The following REV1 variants were observed in gnomAD, a reference collection of about 807,000 sequenced individuals.
The protein encoded by REV1 is translesion synthesis protein REV1.
REV1 carries 42 observed loss-of-function variants against 137.4 expected under a neutral mutation model. The ratio of observed to expected loss-of-function variants is 0.31; its 90% confidence interval spans 0.24 to 0.40. The LOEUF (loss-of-function observed/expected upper bound fraction) is 0.40. Among genes scored for constraint, REV1 ranks in the 10% least tolerant of loss-of-function variants. The pLI, the probability that REV1 is intolerant of heterozygous loss-of-function variation, is 1.00. For missense variants in REV1, 1,282 were observed against 1,490.1 expected, an observed-to-expected ratio of 0.86 and a Z score of 2.30; for synonymous variants, 524 against 519.2, an observed-to-expected ratio of 1.01 and a Z score of -0.12.
In REV1 at chr2:99,489,923, G is replaced by T. The variant is rs1286098302; in HGVS notation, c.-117C>A. 1 of 149,536 alleles carries T rather than the reference G, an allele frequency of 6.7e-6. No individual in the cohort carries two copies. The highest frequency in any genetic ancestry group is 1.5e-5 in the Non-Finnish European group (1 of 67,148). The allele number at this position is 149,536 out of a possible 1,614,324, so 9.3% of individuals were successfully genotyped here. The stretch of plus-strand genomic sequence containing the variant: ...GCCCTCGCCAGGGACCAGGGAGGAG[G>T]GCCGGGGGAAGGCAGCCCCACCGCT... On this transcript the variant is annotated 5_prime_UTR_variant, in exon 1 of 23. Coordinates refer to ENST00000258428, the MANE Select transcript of REV1 (RefSeq NM_016316.4).
At chr2:99,456,320 C>A (rs1559379940) in intron 3 of REV1, among the ~76,000 whole-genome samples, 1 of 152,200 alleles carries the variant, frequency 6.6e-6, no homozygotes, top group Non-Finnish European at 1.5e-5. Flanking sequence ...AGTCTGTGCC[C>A]CGTGATAGCA....
rs1037008460 is a variant in REV1, at chr2:99,421,661, C to T, written c.1677-8G>A. The T allele has an allele frequency of 1.2e-6, 2 of 1,609,636 alleles. No individual in the cohort carries two copies. Among genetic ancestry groups the T allele is most frequent in the African/African-American group, 2.7e-5 (2 of 74,664 alleles). On this transcript the variant is annotated splice_region_variant and splice_polypyrimidine_tract_variant and intron_variant, in intron 10 of 22. Coordinates refer to ENST00000258428, the MANE Select transcript of REV1 (RefSeq NM_016316.4). ...TCAATGTTATGAGTGTAGCTATCAA[C>T]ACAGAGCAAAGGCAACGAATCACAG...
chr2:99,436,797 A>G (rs1275891026), intron 6 of REV1: 1 of 152,150 alleles, frequency 6.6e-6, no homozygotes, highest in Non-Finnish European at 1.5e-5. Flanking sequence ...AAATCCTGGA[A>G]AAAGAACCCT....
In REV1 at chr2:99,424,437, T is replaced by C. The variant is rs145777795; in HGVS notation, c.1548-157A>G. 177 of 786,236 alleles carry C rather than the reference T, an allele frequency of 2.3e-4. No individual in the cohort carries two copies. In the African/African-American group the frequency reaches 3.0e-3, roughly 13 times the overall value. The allele number at this position is 786,236 out of a possible 1,614,324, so 48.7% of individuals were successfully genotyped here. A position where few individuals can be genotyped will look rare whatever the true frequency, so the allele number is the denominator to read the frequency against. ...AAGATAGGCATTAAAATTTACAGCCTTGTTTTCCCCCAAAAGTCACAACTG... is the reference window on the plus strand; with the variant it reads ...AAGATAGGCATTAAAATTTACAGCCCTGTTTTCCCCCAAAAGTCACAACTG... On this transcript the variant is annotated intron_variant, in intron 9 of 22. Coordinates refer to ENST00000258428, the MANE Select transcript of REV1 (RefSeq NM_016316.4).
intron 1 of REV1, among the ~76,000 whole-genome samples, chr2:99,485,074 T>A (rs1687000950): frequency 6.6e-6 from 1 of 152,068 alleles, no homozygotes; most frequent in African/African-American, 2.4e-5. Context: ...TAAAAAAAAA[T>A]TTACACCTAG....
intron 13 of REV1, among the ~76,000 whole-genome samples, chr2:99,412,119 G>C (rs1480664102): frequency 1.3e-5 from 2 of 151,782 alleles, no homozygotes; most frequent in Non-Finnish European, 2.9e-5. Context: ...TGTAATCCCA[G>C]CTACTTGGGA....
chr2:99,481,855 TA>T, intron 1 of REV1, among the ~76,000 whole-genome samples: 1 of 152,196 alleles, frequency 6.6e-6, no homozygotes, highest in African/African-American at 2.4e-5. Context: ...ACCCCGTCCC[TA>T]AAAAAACAAA....
chr2:99,460,803 T>C, intron 3 of REV1, among the ~76,000 whole-genome samples: 1 of 148,784 alleles, frequency 6.7e-6, no homozygotes, highest in East Asian at 2.0e-4. Context: ...CAGAAAAGGA[T>C]AGAGATAATA....
Position 99,401,076 on chromosome 2 carries a change from A to G in REV1, c.*165T>C, listed in dbSNP as rs1446712642. The G allele has an allele frequency of 2.1e-6, 1 of 485,574 alleles. No individual in the cohort carries two copies. Among genetic ancestry groups the G allele is most frequent in the Non-Finnish European group, 3.7e-6 (1 of 269,886 alleles). The allele number at this position is 485,574 out of a possible 1,614,324, so 30.1% of individuals were successfully genotyped here. A position where few individuals can be genotyped will look rare whatever the true frequency, so the allele number is the denominator to read the frequency against. The stretch of plus-strand genomic sequence containing the variant: ...ATAATTAACACAATTATTTACATGC[A>G]ATACTGACAAATTTGGCACTTTTTG... On this transcript the variant is annotated 3_prime_UTR_variant, in exon 23 of 23. Coordinates refer to ENST00000258428, the MANE Select transcript of REV1 (RefSeq NM_016316.4).
intron 1 of REV1, among the ~76,000 whole-genome samples, chr2:99,472,080 G>C (rs1685484919): frequency 6.6e-6 from 1 of 151,890 alleles, no homozygotes. Flanking sequence ...TGAAACCTGA[G>C]ACACAAAGAG....
Position 99,405,895 on chromosome 2 carries a change from A to C in REV1, c.2811+15T>G. 1 of 1,496,846 alleles carries C rather than the reference A, an allele frequency of 6.7e-7. No homozygotes were observed. The highest frequency in any genetic ancestry group is 9.0e-7 in the Non-Finnish European group (1 of 1,112,870). The allele number at this position is 1,496,846 out of a possible 1,614,324, so 92.7% of individuals were successfully genotyped here. On this transcript the variant is annotated intron_variant, in intron 17 of 22. Transcript: ENST00000258428. ...AGTATAAAATGTACTTATATTTAGG[A>C]CTACAAAAATGTACCTGGGAAGGTG...
At chr2:99,467,896 G>C (rs1684989337) in intron 1 of REV1, among the ~76,000 whole-genome samples, 1 of 152,004 alleles carries the variant, frequency 6.6e-6, no homozygotes, top group Admixed American at 6.6e-5. Flanking sequence ...AAATACAAAA[G>C]ATTGCTGGGC....
At position 99,464,950 on chromosome 2, in the gene REV1, C is replaced by T. The variant is rs1170537846; in HGVS notation, c.26G>A (p.Arg9Gln). Residue 9 changes from arginine (R) to glutamine (Q), a missense_variant, in exon 2 of 23, where the codon CGA (arginine) becomes CAA (glutamine). Physicochemically the swap from Arg to Gln is conservative, Grantham distance 43. Around this residue, in one of 7 missense-constraint regions of REV1, gnomAD observed 107 missense variants for 164.3 expected, o/e 0.65. Coordinates refer to ENST00000258428, the MANE Select transcript of REV1 (RefSeq NM_016316.4). ...TGTTTCCCAGCCATCATTTTCAGCT[C>T]GCTTCCTCCATCCACCTCGCCTCAT... Reference protein sequence around the residue: MRRGGWRKRAENDGWETWG... With the variant: MRRGGWRKQAENDGWETWG... 13 of 1,613,330 alleles carry T rather than the reference C, an allele frequency of 8.1e-6. No homozygotes were observed. Among genetic ancestry groups the T allele is most frequent in the Admixed American group, 3.3e-5 (2 of 59,980 alleles).
At chr2:99,424,354 T>C in intron 9 of REV1, 74 bp from the exon 10 acceptor site, 3 of 1,422,592 alleles carry the variant, frequency 2.1e-6, no homozygotes, top group Middle Eastern at 1.8e-4. Flanking sequence ...AATATGTTGA[T>C]ATCTCCCCAT....
At chr2:99,462,949 G>A (rs1413654526) in intron 2 of REV1, among the ~76,000 whole-genome samples, 3 of 151,814 alleles carry the variant, frequency 2.0e-5, no homozygotes, top group Admixed American at 6.6e-5. Flanking sequence ...TTAGCCGGGT[G>A]CAGTGCCAAG....
intron 12 of REV1, among the ~76,000 whole-genome samples, chr2:99,417,335 G>A (rs1678040678): frequency 6.6e-6 from 1 of 151,988 alleles, no homozygotes; most frequent in African/African-American, 2.4e-5. Flanking sequence ...GTAGAGACAG[G>A]GTTTCACCAT....
chr2:99,436,092 A>G, intron 6 of REV1, 151 bp from the exon 7 acceptor site: 3 of 607,998 alleles, frequency 4.9e-6, no homozygotes, highest in Non-Finnish European at 8.7e-6. Context: ...GATTATTTCT[A>G]TCACCTCAAG....
chr2:99,471,295 G>A (rs1685383855), intron 1 of REV1, among the ~76,000 whole-genome samples: 1 of 152,144 alleles, frequency 6.6e-6, no homozygotes, highest in Non-Finnish European at 1.5e-5. Flanking sequence ...CCAACCCAGG[G>A]TCATCTGTGT....
At chr2:99,457,596 A>C (rs1221924294) in intron 3 of REV1, among the ~76,000 whole-genome samples, 1 of 125,390 alleles carries the variant, frequency 8.0e-6, no homozygotes, top group East Asian at 2.2e-4. Context: ...GAGGTACAAG[A>C]ATCGCTTGAG....
Sources: allele counts gnomAD v4.1 joint callset (sites outside exome capture counted in the v4.1 genomes callset), GRCh38; gene constraint gnomAD v4.1.1; regional missense constraint gnomAD v4.1.1; transcripts MANE v1.5; gene names NCBI Gene and HGNC (gene_info 2026-07-23, HGNC 2026-07-21).